The following AGBL4 variants were observed in gnomAD, a reference collection of about 807,000 sequenced individuals.
AGBL4 encodes the protein AGBL carboxypeptidase 4, also known as cytosolic carboxypeptidase 6.
Under a neutral mutation model 66.4 loss-of-function variants are expected in AGBL4, and 58 were observed. The ratio of observed to expected loss-of-function variants is 0.87; its 90% confidence interval spans 0.71 to 1.09. The LOEUF (loss-of-function observed/expected upper bound fraction) is 1.09. Among genes scored for constraint, AGBL4 ranks in the 50% least tolerant of loss-of-function variants. The probability of loss-of-function intolerance (pLI) is 0.00; values close to 1 mark genes in which losing one functional copy is unlikely to be tolerated. For missense variants in AGBL4, 579 were observed against 631.0 expected (o/e 0.92, Z 0.88); for synonymous variants, 234 against 222.9 (o/e 1.05, Z -0.44).
chr1:49,158,357 C>T (rs1405536458), intron 4 of AGBL4, among the ~76,000 whole-genome samples: 1 of 147,242 alleles, frequency 6.8e-6, no homozygotes, highest in African/African-American at 2.6e-5. Context: ...AGAGCTTCTG[C>T]ACAGCAAAAA....
intron 1 of AGBL4, among the ~76,000 whole-genome samples, chr1:50,022,318 A>G (rs1384915754): frequency 1.3e-5 from 2 of 152,210 alleles, no homozygotes; most frequent in Non-Finnish European, 2.9e-5. Flanking sequence ...AAAGGAAAAG[A>G]AGAACAAGGT....
intron 2 of AGBL4, among the ~76,000 whole-genome samples, chr1:49,761,374 T>G (rs1252747979): frequency 2.6e-5 from 4 of 152,144 alleles, no homozygotes; most frequent in Admixed American, 6.6e-5. Flanking sequence ...TACAAAGCTA[T>G]CATGGTAGCA....
intron 6 of AGBL4, among the ~76,000 whole-genome samples, chr1:48,779,799 C>T (rs1645248393): frequency 6.6e-6 from 1 of 151,094 alleles, no homozygotes; most frequent in Non-Finnish European, 1.5e-5. Context: ...CTGCCACTTC[C>T]ACCTCCCAGG....
At chr1:49,600,412 A>G (rs1395307419) in intron 3 of AGBL4, among the ~76,000 whole-genome samples, 1 of 152,048 alleles carries the variant, frequency 6.6e-6, no homozygotes, top group Non-Finnish European at 1.5e-5. Flanking sequence ...AGTCTGTTTT[A>G]TCAGAGACTA....
At chr1:49,657,538 C>A (rs1646168559) in intron 3 of AGBL4, among the ~76,000 whole-genome samples, 1 of 152,138 alleles carries the variant, frequency 6.6e-6, no homozygotes, top group South Asian at 2.1e-4. Flanking sequence ...AAAAAAGAAC[C>A]CACATTGCCA....
chr1:49,542,436 C>T (rs1652119794), intron 3 of AGBL4, among the ~76,000 whole-genome samples: 1 of 152,158 alleles, frequency 6.6e-6, no homozygotes, highest in Non-Finnish European at 1.5e-5. Flanking sequence ...CACATCCGAA[C>T]ATCAGAAGGA....
At chr1:49,913,815 C>T (rs987107291) in intron 1 of AGBL4, among the ~76,000 whole-genome samples, 2 of 152,168 alleles carry the variant, frequency 1.3e-5, no homozygotes, top group South Asian at 2.1e-4. Context: ...TTGAGCCACA[C>T]CTGTGCCTAC....
chr1:49,010,628 T>A (rs2149005155), intron 5 of AGBL4, among the ~76,000 whole-genome samples: 2 of 137,510 alleles, frequency 1.5e-5, no homozygotes, highest in Middle Eastern at 7.4e-3. Context: ...GACTTCAAAC[T>A]ATACTACAAG....
chr1:48,689,827 C>T (rs188361822), intron 6 of AGBL4, among the ~76,000 whole-genome samples: 28 of 152,272 alleles, frequency 1.8e-4, no homozygotes, highest in Admixed American at 1.4e-3. Context: ...ATCACTTGAA[C>T]GCAGGAGGCA....
Position 48,948,460 on chromosome 1 carries a change from C to T in AGBL4, c.595-81230G>A, listed in dbSNP as rs151100605. On this transcript the variant is annotated intron_variant, in intron 5 of 13. Transcript: ENST00000371839. ...GATTCATCCACTTGCCATCTGCTTTCAGATTTCTTCTGAAAACCCCAGTGT... is the reference window on the plus strand; with the variant it reads ...GATTCATCCACTTGCCATCTGCTTTTAGATTTCTTCTGAAAACCCCAGTGT... Among the ~76,000 whole-genome samples the T allele has an allele frequency of 2.3e-4, 35 of 152,328 alleles. 1 individual carries two copies. The East Asian group carries it at 4.8e-3, about 21-fold the overall frequency.
intron 5 of AGBL4, among the ~76,000 whole-genome samples, chr1:48,995,757 A>G (rs1660951717): frequency 6.6e-6 from 1 of 152,194 alleles, no homozygotes. Flanking sequence ...TAGCTAGACC[A>G]TAGTCACTGA....
chr1:49,302,718 T>C (rs376474633), intron 3 of AGBL4, among the ~76,000 whole-genome samples: 2 of 150,814 alleles, frequency 1.3e-5, no homozygotes, highest in African/African-American at 4.9e-5. Flanking sequence ...GGTTGTTACA[T>C]AGGGAAACTT....
At chr1:48,873,348 C>T (rs1038084441) in intron 5 of AGBL4, among the ~76,000 whole-genome samples, 1 of 152,190 alleles carries the variant, frequency 6.6e-6, no homozygotes, top group Non-Finnish European at 1.5e-5. Context: ...GAGGAACTGT[C>T]TAACTAATTC....
chr1:48,577,576 T>G (rs1003286355), intron 11 of AGBL4, among the ~76,000 whole-genome samples: 2 of 152,062 alleles, frequency 1.3e-5, no homozygotes, highest in African/African-American at 4.8e-5. Context: ...GTAATAATGT[T>G]TAGGTTTTCC....
chr1:49,310,797 T>C lies in AGBL4; in HGVS notation c.283-64933A>G, dbSNP rs546779517. ...TGAACACTTTCTATGTGTCAGGCATTATTCTAAGTAAAAAAAAACTCAAAA... is the reference window on the plus strand; with the variant it reads ...TGAACACTTTCTATGTGTCAGGCATCATTCTAAGTAAAAAAAAACTCAAAA... On this transcript the variant is annotated intron_variant, in intron 3 of 13. Coordinates refer to ENST00000371839, the MANE Select transcript of AGBL4 (RefSeq NM_032785.4). 1.4e-3 allele frequency among the ~76,000 whole-genome samples: 207 copies of C among 152,112 alleles called. 1 individual carries two copies. The highest frequency in any genetic ancestry group is 4.7e-3 in the African/African-American group (197 of 41,522).
At chr1:49,239,045 C>G (rs1050792422) in intron 4 of AGBL4, among the ~76,000 whole-genome samples, 1 of 152,236 alleles carries the variant, frequency 6.6e-6, no homozygotes, top group African/African-American at 2.4e-5. Context: ...TCCATCATGT[C>G]CCGGAACCAG....
chr1:48,802,561 T>C (rs1645834456), intron 6 of AGBL4, among the ~76,000 whole-genome samples: 3 of 152,224 alleles, frequency 2.0e-5, no homozygotes, highest in Admixed American at 2.0e-4. Context: ...ATTCTATGAT[T>C]AACTTTCATT....
intron 4 of AGBL4, among the ~76,000 whole-genome samples, chr1:49,208,541 C>T (rs1648421254): frequency 6.6e-6 from 1 of 152,020 alleles, no homozygotes; most frequent in Non-Finnish European, 1.5e-5. Flanking sequence ...TTTACCACAG[C>T]TGCCCCTTCT....
chr1:49,825,316 CAAG>C (rs1164665443), intron 2 of AGBL4, among the ~76,000 whole-genome samples: 3 of 152,250 alleles, frequency 2.0e-5, no homozygotes, highest in Admixed American at 6.5e-5. Context: ...GAATAGGACA[CAAG>C]AAGAAGGAGT....
Sources: allele counts gnomAD v4.1 joint callset (sites outside exome capture counted in the v4.1 genomes callset), GRCh38; gene constraint gnomAD v4.1.1; transcripts MANE v1.5; gene names NCBI Gene and HGNC (gene_info 2026-07-23, HGNC 2026-07-21).